The following ATXN7L1 variants were observed in gnomAD, a reference collection of about 807,000 sequenced individuals.
ATXN7L1 encodes ataxin 7 like 1, also known as ataxin-7-like protein 1.
ATXN7L1 carries 15 observed loss-of-function variants against 70.8 expected under a neutral mutation model. That is an observed-to-expected ratio of 0.21 (90% CI 0.14 to 0.33). The LOEUF is 0.33. Ranked by LOEUF, ATXN7L1 falls within the 10% of genes least tolerant of loss-of-function variation. The probability of loss-of-function intolerance (pLI) is 1.00; values close to 1 mark genes in which losing one functional copy is unlikely to be tolerated. For missense variants in ATXN7L1, 975 were observed against 1,097.1 expected, an observed-to-expected ratio of 0.89 and a Z score of 1.57; for synonymous variants, 440 against 445.1, an observed-to-expected ratio of 0.99 and a Z score of 0.14.
chr7:105,847,361 G>T (rs1049347471), intron 2 of ATXN7L1, among the ~76,000 whole-genome samples: 1 of 152,218 alleles, frequency 6.6e-6, no homozygotes, highest in African/African-American at 2.4e-5. Flanking sequence ...ATCATATCCT[G>T]GTATCTTTTG....
intron 8 of ATXN7L1, 35 bp downstream of exon 8, chr7:105,624,040 G>A (rs972634379): frequency 2.0e-5 from 27 of 1,368,664 alleles, no homozygotes; most frequent in African/African-American, 3.0e-5. Context: ...AAGCACAGGC[G>A]AAGAACGCAT....
chr7:105,758,361 T>C (rs1004462232), intron 3 of ATXN7L1, among the ~76,000 whole-genome samples: 1 of 152,220 alleles, frequency 6.6e-6, no homozygotes, highest in Non-Finnish European at 1.5e-5. Flanking sequence ...ATTATACCCA[T>C]TTTCCACACA....
intron 2 of ATXN7L1, among the ~76,000 whole-genome samples, chr7:105,828,851 C>A (rs1811213601): frequency 6.6e-6 from 1 of 152,150 alleles, no homozygotes; most frequent in Non-Finnish European, 1.5e-5. Context: ...CTGACAATTT[C>A]TAAAGAAGCA....
intron 3 of ATXN7L1, among the ~76,000 whole-genome samples, chr7:105,782,160 T>C (rs1267581730): frequency 6.6e-6 from 1 of 152,130 alleles, no homozygotes; most frequent in Non-Finnish European, 1.5e-5. Flanking sequence ...ATCTATCAAA[T>C]GGGTCCTAGA....
At chr7:105,752,229 T>A (rs1448689843) in intron 3 of ATXN7L1, among the ~76,000 whole-genome samples, 2 of 152,206 alleles carry the variant, frequency 1.3e-5, no homozygotes, top group Non-Finnish European at 2.9e-5. Context: ...TTGACCTCGA[T>A]GGTACAAATG....
At chr7:105,691,346 C>T (rs535739563) in intron 3 of ATXN7L1, among the ~76,000 whole-genome samples, 10 of 152,090 alleles carry the variant, frequency 6.6e-5, no homozygotes, top group Non-Finnish European at 1.5e-4. Flanking sequence ...TTAAGTGACC[C>T]CTAAGAAATT....
At chr7:105,610,311 T>G (rs1793035004) in intron 11 of ATXN7L1, among the ~76,000 whole-genome samples, 1 of 152,126 alleles carries the variant, frequency 6.6e-6, no homozygotes, top group Non-Finnish European at 1.5e-5. Flanking sequence ...GCCAGTATGA[T>G]CCCCACTTTA....
chr7:105,664,575 G>GTGTGTGTATATATATATATA, intron 4 of ATXN7L1, among the ~76,000 whole-genome samples: 1 of 131,990 alleles, frequency 7.6e-6, no homozygotes, highest in Non-Finnish European at 1.6e-5. Context: ...GTATGTGTGT[G>GTGTGTGTATATATATATATA]TATATATATA....
At chr7:105,875,741 A>T in intron 2 of ATXN7L1, 71 bp downstream of exon 2, 2 of 1,491,802 alleles carry the variant, frequency 1.3e-6, no homozygotes, top group Non-Finnish European at 1.9e-6. Flanking sequence ...AGAACAATTC[A>T]CATTATATTC....
intron 3 of ATXN7L1, among the ~76,000 whole-genome samples, chr7:105,671,679 TG>T (rs1472991634): frequency 6.6e-6 from 1 of 151,912 alleles, no homozygotes; most frequent in East Asian, 1.9e-4. Flanking sequence ...GGTGGATTGC[TG>T]GAGCTCAGGA....
rs145741703 is a variant in ATXN7L1, at chr7:105,661,404, C to T, written c.578+3662G>A. ...GGTTGCAGCTAGTTTGTAGAGGGTCCGTTATGTTGGGCTGAGGGACTAACT... is the reference window on the plus strand; with the variant it reads ...GGTTGCAGCTAGTTTGTAGAGGGTCTGTTATGTTGGGCTGAGGGACTAACT... On this transcript the variant is annotated intron_variant, in intron 4 of 11. Transcript: ENST00000419735. 9.2e-5 allele frequency among the ~76,000 whole-genome samples: 14 copies of T among 152,160 alleles called. No homozygotes were observed. The East Asian group carries it at 2.1e-3, about 23-fold the overall frequency.
intron 2 of ATXN7L1, among the ~76,000 whole-genome samples, chr7:105,817,393 T>C (rs1373440704): frequency 1.3e-5 from 2 of 152,246 alleles, no homozygotes; most frequent in Non-Finnish European, 2.9e-5. Context: ...TGCTTGCATG[T>C]TATATTTACT....
intron 1 of ATXN7L1, among the ~76,000 whole-genome samples, chr7:105,876,106 C>A (rs1385132198): frequency 1.3e-5 from 2 of 152,296 alleles, no homozygotes; most frequent in Non-Finnish European, 2.9e-5. Context: ...AACAAAGTAG[C>A]CTTTTAAACG....
intron 2 of ATXN7L1, among the ~76,000 whole-genome samples, chr7:105,833,721 T>C (rs951685870): frequency 6.6e-5 from 10 of 152,226 alleles, no homozygotes; most frequent in South Asian, 2.1e-4. Context: ...TAGTTAATGA[T>C]ATGCATGCTG....
chr7:105,734,333 CA>C lies in ATXN7L1; in HGVS notation c.355+54270del, dbSNP rs527662345. On this transcript the variant is annotated intron_variant, in intron 3 of 11. Coordinates refer to ENST00000419735, the MANE Select transcript of ATXN7L1 (RefSeq NM_020725.2). ...CAAAAACCCAAACAAACAAAACAGACAAAAAAACCCAACTACAGTCCTTTCC... is the reference window on the plus strand; with the variant it reads ...CAAAAACCCAAACAAACAAAACAGACAAAAAACCCAACTACAGTCCTTTCC... Among the ~76,000 whole-genome samples the C allele has an allele frequency of 2.6e-5, 4 of 152,194 alleles. No individual in the cohort carries two copies. The East Asian group carries it at 7.7e-4, about 29-fold the overall frequency.
chr7:105,761,463 C>T, intron 3 of ATXN7L1: 1 of 1,613,998 alleles, frequency 6.2e-7, no homozygotes, highest in Non-Finnish European at 8.5e-7. Flanking sequence ...TTGCTTTCTC[C>T]CTTTGGAAAG....
At chr7:105,697,476 T>TATC (rs1325641034) in intron 3 of ATXN7L1, among the ~76,000 whole-genome samples, 3 of 152,260 alleles carry the variant, frequency 2.0e-5, no homozygotes, top group Non-Finnish European at 4.4e-5. Context: ...AGTTTAAGGT[T>TATC]ATCTCTCTTA....
intron 3 of ATXN7L1, among the ~76,000 whole-genome samples, chr7:105,773,745 T>G (rs1018117608): frequency 1.3e-5 from 2 of 151,808 alleles, no homozygotes; most frequent in African/African-American, 4.8e-5. Flanking sequence ...GGCTGAATAA[T>G]GAAACAAATA....
At chr7:105,621,174 C>A (rs916418033) in intron 8 of ATXN7L1, among the ~76,000 whole-genome samples, 2 of 152,216 alleles carry the variant, frequency 1.3e-5, no homozygotes, top group Non-Finnish European at 2.9e-5. Flanking sequence ...GGACACAGCA[C>A]CACCTTGAAG....
Sources: allele counts gnomAD v4.1 joint callset (sites outside exome capture counted in the v4.1 genomes callset), GRCh38; gene constraint gnomAD v4.1.1; transcripts MANE v1.5; gene names NCBI Gene and HGNC (gene_info 2026-07-23, HGNC 2026-07-21).